Variants in HSD17B12 observed in about 807,000 individuals in gnomAD.
HSD17B12 encodes the protein very-long-chain 3-oxoacyl-CoA reductase.
In HSD17B12, 32 loss-of-function variants were observed where a neutral mutation model predicts 39.3. That is an observed-to-expected ratio of 0.81 (90% CI 0.61 to 1.09). The LOEUF (loss-of-function observed/expected upper bound fraction) is 1.09. Ranked by LOEUF, HSD17B12 falls within the 50% of genes least tolerant of loss-of-function variation. The pLI, the probability that HSD17B12 is intolerant of heterozygous loss-of-function variation, is 0.00. For synonymous variants in HSD17B12, 150 were observed against 146.7 expected, an observed-to-expected ratio of 1.02 and a Z score of -0.16; for missense variants, 342 against 382.9, an observed-to-expected ratio of 0.89 and a Z score of 0.89.
the HSD17B12 span, among the ~76,000 whole-genome samples, chr11:43,597,640 T>G: frequency 1.3e-5 from 2 of 152,010 alleles, no homozygotes; most frequent in African/African-American, 4.8e-5. Context: ...GTTTGGTTTG[T>G]TTTGTTTTGT....
chr11:43,771,035 C>T (rs901123949), intron 3 of HSD17B12, among the ~76,000 whole-genome samples: 6 of 152,140 alleles, frequency 3.9e-5, no homozygotes, highest in African/African-American at 7.2e-5. Context: ...TACGCATGTA[C>T]AGGTTAGTGA....
chr11:43,710,499 G>A (rs1176057171), intron 1 of HSD17B12, among the ~76,000 whole-genome samples: 1 of 152,136 alleles, frequency 6.6e-6, no homozygotes, highest in Non-Finnish European at 1.5e-5. Flanking sequence ...AACTTTTAGT[G>A]ATAAATTTTG....
chr11:43,843,820 C>A (rs1280007980), intron 9 of HSD17B12, among the ~76,000 whole-genome samples: 1 of 152,168 alleles, frequency 6.6e-6, no homozygotes, highest in East Asian at 1.9e-4. Context: ...TATACCTCTG[C>A]CTGCTACTGT....
At chr11:43,606,787 A>G in the HSD17B12 span, among the ~76,000 whole-genome samples, 2,518 of 152,334 alleles carry the variant, frequency 0.017, 65 homozygotes, top group African/African-American at 0.057. Context: ...ACTGGGATCA[A>G]TAGAGGCTTC....
chr11:43,739,286 T>C (rs1255207062), intron 1 of HSD17B12, among the ~76,000 whole-genome samples: 2 of 152,142 alleles, frequency 1.3e-5, no homozygotes, highest in South Asian at 2.1e-4. Context: ...TAAGTTAGTC[T>C]ACAGGTCAAG....
At chr11:43,770,691 C>T (rs1175237527) in intron 3 of HSD17B12, among the ~76,000 whole-genome samples, 8 of 152,182 alleles carry the variant, frequency 5.3e-5, no homozygotes, top group African/African-American at 7.2e-5. Context: ...GCCACTGTCT[C>T]GTCACTGCGC....
intron 1 of HSD17B12, chr11:43,718,806 C>T: frequency 1.1e-6 from 1 of 929,258 alleles, no homozygotes; most frequent in South Asian, 1.3e-5. Context: ...CGCACGTCAC[C>T]CGCCTTCTGG....
the HSD17B12 span, among the ~76,000 whole-genome samples, chr11:43,656,357 G>A: frequency 6.6e-6 from 1 of 152,042 alleles, no homozygotes; most frequent in African/African-American, 2.4e-5. Context: ...ACCAGCCCCT[G>A]GATTCATTGA....
At chr11:43,699,924 C>T (rs1337523202) in intron 1 of HSD17B12, among the ~76,000 whole-genome samples, 2 of 152,196 alleles carry the variant, frequency 1.3e-5, no homozygotes, top group Non-Finnish European at 2.9e-5. Context: ...AGTGAGATAT[C>T]ATCTTACCCA....
chr11:43,714,277 A>C (rs1295062789), intron 1 of HSD17B12, among the ~76,000 whole-genome samples: 2 of 152,200 alleles, frequency 1.3e-5, no homozygotes, highest in Non-Finnish European at 2.9e-5. Context: ...TAAGTCTTTA[A>C]TCCATCTTGA....
chr11:43,753,982 A>G (rs1173714674), intron 2 of HSD17B12, 64 bp from the exon 3 acceptor site: 2 of 1,027,208 alleles, frequency 1.9e-6, no homozygotes, highest in Non-Finnish European at 3.0e-6. Context: ...AATGGGGGTT[A>G]TAGCTCATTA....
intron 9 of HSD17B12, among the ~76,000 whole-genome samples, chr11:43,841,470 C>T (rs1951425290): frequency 6.6e-6 from 1 of 152,112 alleles, no homozygotes; most frequent in Non-Finnish European, 1.5e-5. Context: ...CTTGCCAAAT[C>T]CAGTGTCATG....
At chr11:43,799,609 A>T (rs1590310443) in intron 4 of HSD17B12, among the ~76,000 whole-genome samples, 1 of 152,192 alleles carries the variant, frequency 6.6e-6, no homozygotes, top group East Asian at 1.9e-4. Context: ...TTCCTCATTA[A>T]ATCTGTTTAT....
In HSD17B12 at chr11:43,700,828, T is replaced by G. The variant is rs1424504721; in HGVS notation, c.160+19841T>G. 3.9e-5 allele frequency among the ~76,000 whole-genome samples: 6 copies of G among 152,206 alleles called. No homozygotes were observed. The East Asian group carries it at 1.2e-3, about 29-fold the overall frequency. On this transcript the variant is annotated intron_variant, in intron 1 of 10. Transcript: ENST00000278353. ...CAGATATCTCTTAGATATATTGATT[T>G]CCTTTATTTTGAGTATATACCCAGC...
At chr11:43,715,491 G>T (rs1051053874) in intron 1 of HSD17B12, among the ~76,000 whole-genome samples, 21 of 152,158 alleles carry the variant, frequency 1.4e-4, no homozygotes, top group Non-Finnish European at 2.6e-4. Context: ...GATCATGGTA[G>T]ATAAGCTTTT....
chr11:43,656,803 G>A, the HSD17B12 span, among the ~76,000 whole-genome samples: 2 of 152,150 alleles, frequency 1.3e-5, no homozygotes, highest in African/African-American at 4.8e-5. Flanking sequence ...CATTTGCTGA[G>A]GAGTGCTTTA....
chr11:43,747,037 G>T (rs941017724), intron 1 of HSD17B12, among the ~76,000 whole-genome samples: 3 of 152,208 alleles, frequency 2.0e-5, no homozygotes, highest in African/African-American at 7.2e-5. Flanking sequence ...GTTAGTGTAG[G>T]AAAGTGTAAG....
chr11:43,723,221 G>T (rs1008880863), intron 1 of HSD17B12, among the ~76,000 whole-genome samples: 7 of 152,090 alleles, frequency 4.6e-5, no homozygotes, highest in African/African-American at 1.4e-4. Context: ...GTAACATAAG[G>T]CAAGATTGAA....
At chr11:43,581,346 G>T in the HSD17B12 span, 1 of 477,010 alleles carries the variant, frequency 2.1e-6, no homozygotes, top group Non-Finnish European at 4.4e-6. The surrounding 1 kb of genome is among the most constrained non-coding windows in gnomAD (Gnocchi z 4.9). Context: ...AGGGTTCGGA[G>T]ACATCCTGGG....
Sources: gnomAD v4.1 joint callset for allele counts (sites outside exome capture counted in the v4.1 genomes callset) on GRCh38, gnomAD v4.1.1 for gene constraint, Gnocchi (gnomAD v3.1) non-coding constraint, MANE v1.5 for transcripts, NCBI Gene and HGNC (gene_info 2026-07-23, HGNC 2026-07-21) for gene names.